The following ARHGEF4 variants were observed in gnomAD, a reference collection of about 807,000 sequenced individuals.
ARHGEF4 encodes APC-stimulated guanine nucleotide exchange factor 1.
Under a neutral mutation model 162.0 loss-of-function variants are expected in ARHGEF4, and 119 were observed. The ratio of observed to expected loss-of-function variants is 0.73; its 90% confidence interval spans 0.63 to 0.86. The LOEUF is 0.86. Ranked by LOEUF, ARHGEF4 falls within the 40% of genes least tolerant of loss-of-function variation. ARHGEF4 has a pLI of 0.00. For synonymous variants in ARHGEF4, 1,014 were observed against 979.9 expected, an observed-to-expected ratio of 1.03 and a Z score of -0.65; for missense variants, 2,488 against 2,456.0, an observed-to-expected ratio of 1.01 and a Z score of -0.28.
intron 5 of ARHGEF4, among the ~76,000 whole-genome samples, chr2:131,031,412 G>T (rs1377443571): frequency 6.6e-6 from 1 of 152,208 alleles, no homozygotes; most frequent in African/African-American, 2.4e-5. Flanking sequence ...GTACATAAAG[G>T]GTGTGGGTGT....
At position 131,012,667 on chromosome 2, in the gene ARHGEF4, G is replaced by A. The variant is rs191327164; in HGVS notation, c.3986-15278G>A. On this transcript the variant is annotated intron_variant, in intron 4 of 13. Coordinates refer to ENST00000409359, the MANE Select transcript of ARHGEF4 (RefSeq NM_001367493.1). ...GTAAACTTGGCTCACTGCAACCTCC[G>A]CCTCCTGGGTCCCAGTGATTCTCAT... 1.4e-4 allele frequency among the ~76,000 whole-genome samples: 21 copies of A among 152,172 alleles called. No homozygotes were observed. In the East Asian group the frequency reaches 1.9e-3, roughly 14 times the overall value.
At chr2:130,884,772 G>A (rs1377557079) in intron 1 of ARHGEF4, among the ~76,000 whole-genome samples, 1 of 152,068 alleles carries the variant, frequency 6.6e-6, no homozygotes, top group Non-Finnish European at 1.5e-5. Context: ...TTGTTTCCAG[G>A]GCCAGCAGAA....
At chr2:130,925,212 G>A (rs754497157) in intron 2 of ARHGEF4, among the ~76,000 whole-genome samples, 8 of 151,668 alleles carry the variant, frequency 5.3e-5, no homozygotes, top group Non-Finnish European at 1.0e-4. Context: ...TCAAGTGAGG[G>A]GAATCAATAA....
intron 2 of ARHGEF4, among the ~76,000 whole-genome samples, chr2:130,926,056 T>TTCTTTCTTTC (rs1559043918): frequency 2.1e-4 from 22 of 103,178 alleles, no homozygotes; most frequent in African/African-American, 5.7e-4. Flanking sequence ...TTCTCTTTCT[T>TTCTTTCTTTC]TCTTTCTTTC....
At chr2:131,044,603 TG>T (rs1691091275) in intron 12 of ARHGEF4, 61 bp downstream of exon 12, 3 of 1,516,916 alleles carry the variant, frequency 2.0e-6, no homozygotes, top group Non-Finnish European at 2.7e-6. Flanking sequence ...CCCGCCTGCC[TG>T]GCCGCCTGCC....
rs1681539805 is a variant in ARHGEF4 at position 130,916,985 on chromosome 2, G to A, written c.3039G>A (p.Leu1013=). 2 of 1,550,860 alleles carry A rather than the reference G, an allele frequency of 1.3e-6. No homozygotes were observed. Reference sequence around the variant, plus strand: ...CACCCCCACTTGCCTCCACACCTTTGTCCTCCAGTTTAGTTTCTCCAGAAC... The same window carrying A: ...CACCCCCACTTGCCTCCACACCTTTATCCTCCAGTTTAGTTTCTCCAGAAC... ...HWAPPLASTP[L]SSSLVSPEHR... The change falls in exon 2 of 14, where the codon TTG becomes TTA. Residue 1013 remains leucine, a synonymous_variant. Transcript: ENST00000409359.
intron 4 of ARHGEF4, among the ~76,000 whole-genome samples, chr2:131,026,648 C>T (rs1252283830): frequency 1.3e-5 from 2 of 152,182 alleles, no homozygotes; most frequent in Non-Finnish European, 2.9e-5. Context: ...AAAAGGTCAA[C>T]TCATTAGTAA....
intron 3 of ARHGEF4, among the ~76,000 whole-genome samples, chr2:130,932,534 T>A (rs1236222089): frequency 6.6e-6 from 1 of 152,224 alleles, no homozygotes; most frequent in African/African-American, 2.4e-5. Context: ...ATTCTGAATG[T>A]AAGACCATTA....
chr2:131,010,728 G>T (rs1688396061), intron 4 of ARHGEF4, among the ~76,000 whole-genome samples: 4 of 152,196 alleles, frequency 2.6e-5, no homozygotes, highest in Admixed American at 2.6e-4. Flanking sequence ...AAGAAACGAA[G>T]TTAGGTGGGC....
chr2:130,981,754 C>T (rs1219341073), intron 4 of ARHGEF4, among the ~76,000 whole-genome samples: 1 of 152,026 alleles, frequency 6.6e-6, no homozygotes, highest in Non-Finnish European at 1.5e-5. Flanking sequence ...TGCAGTGTTA[C>T]CCAGAGTCAA....
chr2:130,945,425 G>C (rs566206728), intron 3 of ARHGEF4, among the ~76,000 whole-genome samples: 191 of 152,218 alleles, frequency 1.3e-3, no homozygotes, highest in African/African-American at 4.0e-3. Flanking sequence ...CAGAATTTTA[G>C]ATGTCTGCAC....
Position 130,920,479 on chromosome 2 carries a change from G to A in ARHGEF4, c.3552+2981G>A, listed in dbSNP as rs115935989. On this transcript the variant is annotated intron_variant, in intron 2 of 13. Coordinates refer to ENST00000409359, the MANE Select transcript of ARHGEF4 (RefSeq NM_001367493.1). Reference sequence around the variant, plus strand: ...AGAAGAGGAAGGCCTAGTACACTGCGCCATCAGACCACAGACAGGAGAACA... The same window carrying A: ...AGAAGAGGAAGGCCTAGTACACTGCACCATCAGACCACAGACAGGAGAACA... Among the ~76,000 whole-genome samples the A allele has an allele frequency of 6.1e-3, 934 of 152,268 alleles. 9 individuals are homozygous for A. Among genetic ancestry groups the A allele is most frequent in the African/African-American group, 0.022 (900 of 41,534 alleles).
chr2:130,914,495 C>G lies in ARHGEF4; in HGVS notation c.549C>G (p.Cys183Trp). 3 of 1,432,646 alleles carry G rather than the reference C, an allele frequency of 2.1e-6. No homozygotes were observed. Among genetic ancestry groups the G allele is most frequent in the Non-Finnish European group, 2.7e-6 (3 of 1,099,294 alleles). The allele number at this position is 1,432,646 out of a possible 1,614,324, so 88.7% of individuals were successfully genotyped here. A position where few individuals can be genotyped will look rare whatever the true frequency, so the allele number is the denominator to read the frequency against. The change falls in exon 2 of 14, where the codon TGC becomes TGG. Residue 183 changes from cysteine to tryptophan, a missense_variant. Coordinates refer to ENST00000409359, the MANE Select transcript of ARHGEF4 (RefSeq NM_001367493.1). ...LLAGVPRHTGCCLQRATDSSG... is the reference protein window; with the variant it reads ...LLAGVPRHTGWCLQRATDSSG... ...CAGGGGTTCCCCGACACACAGGGTGCTGCTTACAGAGGGCCACAGACAGCA... is the reference window on the plus strand; with the variant it reads ...CAGGGGTTCCCCGACACACAGGGTGGTGCTTACAGAGGGCCACAGACAGCA...
At chr2:131,031,495 C>T (rs1394522154) in intron 5 of ARHGEF4, among the ~76,000 whole-genome samples, 2 of 152,200 alleles carry the variant, frequency 1.3e-5, no homozygotes, top group African/African-American at 2.4e-5. Context: ...TGCAGCTGTG[C>T]AGAAGCCATA....
At chr2:131,021,312 C>G (rs1259826372) in intron 4 of ARHGEF4, among the ~76,000 whole-genome samples, 1 of 152,090 alleles carries the variant, frequency 6.6e-6, no homozygotes, top group Non-Finnish European at 1.5e-5. Flanking sequence ...ACAGAGCCCT[C>G]AGAAATAATG....
intron 1 of ARHGEF4, among the ~76,000 whole-genome samples, chr2:130,878,921 G>A (rs150394196): frequency 5.3e-5 from 8 of 152,314 alleles, no homozygotes; most frequent in African/African-American, 1.9e-4. Context: ...GGCATCATGG[G>A]GACACATAAG....
chr2:130,853,047 C>T (rs543981690), intron 1 of ARHGEF4, among the ~76,000 whole-genome samples: 1 of 152,300 alleles, frequency 6.6e-6, no homozygotes, highest in East Asian at 1.9e-4. Flanking sequence ...CAGGGCATGT[C>T]CAGCACCAAG....
At chr2:130,881,030 T>TTTGTTG (rs542810002) in intron 1 of ARHGEF4, among the ~76,000 whole-genome samples, 3 of 151,994 alleles carry the variant, frequency 2.0e-5, no homozygotes, top group Admixed American at 1.3e-4. Flanking sequence ...AAACATTATT[T>TTTGTTG]TTGTTGTTGT....
At chr2:130,883,621 C>A (rs1266889710) in intron 1 of ARHGEF4, among the ~76,000 whole-genome samples, 2 of 152,114 alleles carry the variant, frequency 1.3e-5, no homozygotes, top group African/African-American at 4.8e-5. Context: ...AATGGAGTCG[C>A]CTGGACCTGG....
Sources: gnomAD v4.1 joint callset for allele counts (sites outside exome capture counted in the v4.1 genomes callset) on GRCh38, gnomAD v4.1.1 for gene constraint, MANE v1.5 for transcripts, NCBI Gene and HGNC (gene_info 2026-07-23, HGNC 2026-07-21) for gene names.